Variants in MEGF10 observed in about 807,000 individuals in gnomAD.
MEGF10 encodes multiple epidermal growth factor-like domains protein 10.
Under a neutral mutation model 147.5 loss-of-function variants are expected in MEGF10, and 86 were observed. The observed-to-expected ratio is 0.58, with a 90% CI of 0.49 to 0.70. The LOEUF is 0.70. Among genes scored for constraint, MEGF10 ranks in the 30% least tolerant of loss-of-function variants. The probability of loss-of-function intolerance (pLI) is 0.00; values close to 1 mark genes in which losing one functional copy is unlikely to be tolerated. For missense variants in MEGF10, 1,329 were observed against 1,487.3 expected (o/e 0.89, Z 1.75); for synonymous variants, 478 against 525.5 (o/e 0.91, Z 1.24).
the MEGF10 span, among the ~76,000 whole-genome samples, chr5:127,248,098 G>A: frequency 6.6e-6 from 1 of 152,070 alleles, no homozygotes; most frequent in African/African-American, 2.4e-5. Flanking sequence ...ATATGCGTCA[G>A]TCATTTAGTT....
chr5:127,351,481 G>A (rs1346955450), intron 4 of MEGF10, among the ~76,000 whole-genome samples: 2 of 152,024 alleles, frequency 1.3e-5, no homozygotes, highest in Non-Finnish European at 2.9e-5. Flanking sequence ...TTAGGCACAC[G>A]TAGTTTTGCG....
intron 5 of MEGF10, among the ~76,000 whole-genome samples, chr5:127,374,500 C>T (rs1762955342): frequency 1.4e-5 from 2 of 144,700 alleles, no homozygotes; most frequent in Non-Finnish European, 3.0e-5. Flanking sequence ...CACATGTTTG[C>T]ATTCCTATAC....
the MEGF10 span, among the ~76,000 whole-genome samples, chr5:127,259,157 T>A: frequency 6.6e-6 from 1 of 152,100 alleles, no homozygotes; most frequent in African/African-American, 2.4e-5. Flanking sequence ...ATTGTGACCC[T>A]CCATGATGCA....
intron 8 of MEGF10, among the ~76,000 whole-genome samples, chr5:127,404,598 T>C (rs1170623062): frequency 6.6e-6 from 1 of 152,160 alleles, no homozygotes; most frequent in Non-Finnish European, 1.5e-5. Flanking sequence ...CCTGGAAGAC[T>C]AGGTAGCCAG....
At chr5:127,261,885 C>T in the MEGF10 span, among the ~76,000 whole-genome samples, 1 of 151,986 alleles carries the variant, frequency 6.6e-6, no homozygotes, top group Non-Finnish European at 1.5e-5. Flanking sequence ...TTTTCTTGTG[C>T]TTATTAGCCA....
chr5:127,346,389 T>C (rs1761889801), intron 4 of MEGF10, among the ~76,000 whole-genome samples: 1 of 152,184 alleles, frequency 6.6e-6, no homozygotes, highest in Non-Finnish European at 1.5e-5. Flanking sequence ...AATTTTTTAA[T>C]TATGGCCATT....
In MEGF10 at chr5:127,328,410, C is replaced by A. The variant is rs1208596626; in HGVS notation, c.-18-2881C>A. On this transcript the variant is annotated intron_variant, in intron 1 of 24. Coordinates refer to ENST00000503335, the MANE Select transcript of MEGF10 (RefSeq NM_001256545.2). ...ATTTTTCAATGTACTGATATTTTTTCTTTCAAAAATGGTACCTGCGACTTT... is the reference window on the plus strand; with the variant it reads ...ATTTTTCAATGTACTGATATTTTTTATTTCAAAAATGGTACCTGCGACTTT... Among the ~76,000 whole-genome samples, 3 of 152,064 alleles carry A rather than the reference C, an allele frequency of 2.0e-5. No individual in the cohort carries two copies. In the South Asian group the frequency reaches 6.2e-4, roughly 31 times the overall value.
intron 13 of MEGF10, among the ~76,000 whole-genome samples, chr5:127,425,598 A>G (rs1234117605): frequency 6.6e-6 from 1 of 152,136 alleles, no homozygotes; most frequent in Non-Finnish European, 1.5e-5. Context: ...AAACACCTAC[A>G]ATTGGACCAA....
At chr5:127,328,785 G>A (rs576812683) in intron 1 of MEGF10, among the ~76,000 whole-genome samples, 2 of 151,996 alleles carry the variant, frequency 1.3e-5, no homozygotes, top group South Asian at 4.1e-4. Flanking sequence ...ATGTCTTTGA[G>A]GAAAGAATGA....
intron 5 of MEGF10, among the ~76,000 whole-genome samples, chr5:127,381,734 G>A (rs960911536): frequency 2.0e-5 from 3 of 152,200 alleles, no homozygotes; most frequent in African/African-American, 7.2e-5. Context: ...GCAGTGGCGT[G>A]ATCTCAACTG....
At chr5:127,312,350 G>A (rs537485958) in intron 1 of MEGF10, among the ~76,000 whole-genome samples, 3 of 152,310 alleles carry the variant, frequency 2.0e-5, no homozygotes, top group African/African-American at 7.2e-5. Context: ...GCAGGAAGCT[G>A]CTTTTATGGG....
intron 8 of MEGF10, among the ~76,000 whole-genome samples, chr5:127,404,991 C>T (rs1764271753): frequency 6.6e-6 from 1 of 152,104 alleles, no homozygotes; most frequent in African/African-American, 2.4e-5. Flanking sequence ...GCTAAGATTA[C>T]AGGCGTTGGA....
chr5:127,230,391 C>T, the MEGF10 span, among the ~76,000 whole-genome samples: 17 of 152,110 alleles, frequency 1.1e-4, no homozygotes, highest in Non-Finnish European at 2.2e-4. Context: ...GCATGGCGCT[C>T]ACCCTTTAAA....
intron 1 of MEGF10, among the ~76,000 whole-genome samples, chr5:127,303,476 CAG>C (rs1328492192): frequency 6.6e-6 from 1 of 151,336 alleles, no homozygotes; most frequent in Non-Finnish European, 1.5e-5. Context: ...ATAATAAAAA[CAG>C]AAAATGAAAT....
At chr5:127,251,988 A>G in the MEGF10 span, among the ~76,000 whole-genome samples, 1 of 152,000 alleles carries the variant, frequency 6.6e-6, no homozygotes, top group Non-Finnish European at 1.5e-5. Context: ...TAGAAAAAGA[A>G]ATACAAATGT....
intron 4 of MEGF10, among the ~76,000 whole-genome samples, chr5:127,363,976 T>G (rs144232030): frequency 2.8e-4 from 43 of 152,130 alleles, no homozygotes; most frequent in African/African-American, 1.0e-3. Context: ...CAGCTGTTTT[T>G]GGGCACTCCT....
chr5:127,441,330 T>A (rs545133075), intron 18 of MEGF10, among the ~76,000 whole-genome samples: 1 of 152,214 alleles, frequency 6.6e-6, no homozygotes, highest in Non-Finnish European at 1.5e-5. Flanking sequence ...TGCCACCCTT[T>A]CAACAACCTT....
chr5:127,453,255 C>T (rs1013623252), intron 22 of MEGF10, among the ~76,000 whole-genome samples: 1 of 152,164 alleles, frequency 6.6e-6, no homozygotes, highest in African/African-American at 2.4e-5. Context: ...TGAAGTTTTG[C>T]CATATTGCCC....
intron 13 of MEGF10, chr5:127,424,422 A>C: frequency 9.9e-7 from 1 of 1,005,580 alleles, no homozygotes; most frequent in East Asian, 2.6e-5. Flanking sequence ...AGCAAGGTGG[A>C]AATTTAATGG....
Sources: allele counts gnomAD v4.1 joint callset (sites outside exome capture counted in the v4.1 genomes callset), GRCh38; gene constraint gnomAD v4.1.1; transcripts MANE v1.5; gene names NCBI Gene and HGNC (gene_info 2026-07-23, HGNC 2026-07-21).